The following AGMO variants were observed in gnomAD, a reference collection of about 807,000 sequenced individuals.
The protein encoded by AGMO is alkylglycerol monooxygenase.
In AGMO, 75 loss-of-function variants were observed where a neutral mutation model predicts 60.2. The observed-to-expected ratio is 1.25, with a 90% CI of 1.03 to 1.51. The LOEUF (loss-of-function observed/expected upper bound fraction) is 1.51, where lower values mean the gene tolerates loss of function less well. Among genes scored for constraint, AGMO ranks in the 40% most tolerant of loss-of-function variants. The pLI, the probability that AGMO is intolerant of heterozygous loss-of-function variation, is 0.00. For missense variants in AGMO, 763 were observed against 525.5 expected (o/e 1.45, Z -4.42); for synonymous variants, 261 against 177.1 (o/e 1.47, Z -3.76).
chr7:15,296,294 T>TA (rs576985070), intron 12 of AGMO, among the ~76,000 whole-genome samples: 2,871 of 152,294 alleles, frequency 0.019, 144 homozygotes, highest in Admixed American at 0.12. Context: ...CATGTTATCC[T>TA]ACAAGCCCTA....
At chr7:15,396,683 C>T (rs1246877011) in intron 5 of AGMO, 2 of 151,414 alleles carry the variant, frequency 1.3e-5, no homozygotes, top group South Asian at 2.1e-4. Flanking sequence ...GTCCACTTTA[C>T]AGAGAGCTGA....
chr7:15,384,813 TTC>T (rs1298130824), intron 10 of AGMO, among the ~76,000 whole-genome samples: 17 of 100,904 alleles, frequency 1.7e-4, no homozygotes, highest in South Asian at 7.0e-4. Context: ...ATACCTGTTT[TTC>T]TCTTTTTTTT....
At chr7:15,351,231 C>T (rs1225970207) in intron 12 of AGMO, among the ~76,000 whole-genome samples, 1 of 152,096 alleles carries the variant, frequency 6.6e-6, no homozygotes, top group Non-Finnish European at 1.5e-5. Flanking sequence ...CAAATTTAAA[C>T]TTATCTCTAT....
intron 12 of AGMO, among the ~76,000 whole-genome samples, chr7:15,313,724 A>G (rs1248829196): frequency 1.3e-5 from 2 of 152,130 alleles, no homozygotes; most frequent in South Asian, 2.1e-4. Flanking sequence ...GGATCATACC[A>G]AACCATATAT....
rs542638268 is a variant in AGMO at position 15,258,310 on chromosome 7, T to TG, written c.1264-56952dup. On this transcript the variant is annotated intron_variant, in intron 12 of 12. Transcript: ENST00000342526. The stretch of plus-strand genomic sequence containing the variant: ...TAGGCTTGGTATACTTTTCTTTTTT[T>TG]GGGGGGGGTGGTATGTTCTTTCCTT... Among the ~76,000 whole-genome samples the TG allele has an allele frequency of 5.5e-3, 829 of 151,644 alleles. 3 individuals carry two copies. The highest frequency in any genetic ancestry group is 0.018 in the African/African-American group (752 of 41,338).
At chr7:15,240,337 A>T (rs1782553337) in intron 12 of AGMO, among the ~76,000 whole-genome samples, 1 of 152,178 alleles carries the variant, frequency 6.6e-6, no homozygotes, top group Non-Finnish European at 1.5e-5. Context: ...TTGAAATTTA[A>T]ATTTAATTGA....
intron 3 of AGMO, among the ~76,000 whole-genome samples, chr7:15,439,447 C>T (rs948333039): frequency 1.3e-5 from 2 of 152,060 alleles, no homozygotes; most frequent in African/African-American, 4.8e-5. Flanking sequence ...CTTTTTCCTC[C>T]CTCCCTTCTT....
At chr7:15,389,846 T>C (rs553579028) in intron 8 of AGMO, among the ~76,000 whole-genome samples, 1 of 152,318 alleles carries the variant, frequency 6.6e-6, no homozygotes, top group South Asian at 2.1e-4. Context: ...CTGTTAGCAG[T>C]GCACATAGTA....
At chr7:15,386,575 T>C (rs559206551) in intron 9 of AGMO, among the ~76,000 whole-genome samples, 6 of 152,200 alleles carry the variant, frequency 3.9e-5, no homozygotes, top group African/African-American at 1.2e-4. Context: ...CCTAGCGGCG[T>C]TGGTAACTGA....
At chr7:15,489,989 A>G (rs1370886176) in intron 3 of AGMO, among the ~76,000 whole-genome samples, 3 of 152,238 alleles carry the variant, frequency 2.0e-5, no homozygotes, top group Non-Finnish European at 2.9e-5. Context: ...AATTATTTTT[A>G]GAATTTATCC....
At chr7:15,493,117 T>C (rs971100683) in intron 3 of AGMO, among the ~76,000 whole-genome samples, 2 of 152,136 alleles carry the variant, frequency 1.3e-5, no homozygotes, top group African/African-American at 2.4e-5. Flanking sequence ...ATTGCCAAAT[T>C]GCTGTAATAA....
At chr7:15,528,351 T>G (rs1784180428) in intron 3 of AGMO, among the ~76,000 whole-genome samples, 1 of 152,142 alleles carries the variant, frequency 6.6e-6, no homozygotes, top group Non-Finnish European at 1.5e-5. Context: ...GTTTCTTGAT[T>G]GCGATATTCA....
chr7:15,196,354 C>T (rs1331720800), downstream of AGMO, among the ~76,000 whole-genome samples: 2 of 152,034 alleles, frequency 1.3e-5, no homozygotes, highest in Non-Finnish European at 1.5e-5. Flanking sequence ...CGGCTGGCTC[C>T]GTTTCTTTTA....
intron 4 of AGMO, among the ~76,000 whole-genome samples, chr7:15,419,300 C>A (rs1253339670): frequency 6.6e-6 from 1 of 151,820 alleles, no homozygotes; most frequent in Non-Finnish European, 1.5e-5. Context: ...ATGATTAAAC[C>A]ACAGAACTGG....
At chr7:15,232,642 C>T (rs1782291395) in intron 12 of AGMO, among the ~76,000 whole-genome samples, 1 of 152,112 alleles carries the variant, frequency 6.6e-6, no homozygotes, top group Non-Finnish European at 1.5e-5. Flanking sequence ...ATGTGTGCTA[C>T]ACAGCCATGA....
intron 12 of AGMO, among the ~76,000 whole-genome samples, chr7:15,290,907 A>G (rs1478619028): frequency 6.6e-6 from 1 of 152,176 alleles, no homozygotes; most frequent in African/African-American, 2.4e-5. Context: ...TTATTTTTCC[A>G]GGGGTTCTTA....
chr7:15,497,105 C>T (rs1259107315), intron 3 of AGMO, among the ~76,000 whole-genome samples: 2 of 152,110 alleles, frequency 1.3e-5, no homozygotes, highest in Non-Finnish European at 2.9e-5. Context: ...GAGCCCTCAC[C>T]GTAGTTCTCC....
In AGMO at chr7:15,257,503, T is replaced by C. The variant is rs115513030; in HGVS notation, c.1264-56144A>G. On this transcript the variant is annotated intron_variant, in intron 12 of 12. Coordinates refer to ENST00000342526, the MANE Select transcript of AGMO (RefSeq NM_001004320.2). Reference sequence around the variant, plus strand: ...AGCAAATTTAAGTGAGTATCAACTTTCCTAATTGTAAATATAAAAAAAGAT... The same window carrying C: ...AGCAAATTTAAGTGAGTATCAACTTCCCTAATTGTAAATATAAAAAAAGAT... Among the ~76,000 whole-genome samples, 1,414 of 152,316 alleles carry C rather than the reference T, an allele frequency of 9.3e-3. 17 individuals are homozygous for C. The highest frequency in any genetic ancestry group is 0.033 in the African/African-American group (1,351 of 41,568).
At chr7:15,350,951 T>C (rs1385992856) in intron 12 of AGMO, among the ~76,000 whole-genome samples, 1 of 152,170 alleles carries the variant, frequency 6.6e-6, no homozygotes, top group South Asian at 2.1e-4. Flanking sequence ...GTTGTTGGTA[T>C]GTGTTACTCT....
Sources: gnomAD v4.1 joint callset for allele counts (sites outside exome capture counted in the v4.1 genomes callset) on GRCh38, gnomAD v4.1.1 for gene constraint, MANE v1.5 for transcripts, NCBI Gene and HGNC (gene_info 2026-07-23, HGNC 2026-07-21) for gene names.